Variants in CADM2 observed in about 807,000 individuals in gnomAD.
CADM2 encodes the protein immunoglobulin superfamily member 4D.
Under a neutral mutation model 49.8 loss-of-function variants are expected in CADM2, and 12 were observed. The observed-to-expected ratio is 0.24, with a 90% CI of 0.15 to 0.39. The LOEUF (loss-of-function observed/expected upper bound fraction) is 0.39. CADM2 is among the 10% of genes least tolerant of loss of function. The pLI is 1.00. For missense variants in CADM2, 378 were observed against 492.3 expected, an observed-to-expected ratio of 0.77 and a Z score of 2.20; for synonymous variants, 214 against 175.4, an observed-to-expected ratio of 1.22 and a Z score of -1.74.
intron 1 of CADM2, among the ~76,000 whole-genome samples, chr3:85,272,444 A>T (rs2043263600): frequency 6.6e-6 from 1 of 151,322 alleles, no homozygotes; most frequent in South Asian, 2.1e-4. Context: ...AAATCAGGTT[A>T]TTGTTAAGAG....
intron 8 of CADM2, among the ~76,000 whole-genome samples, chr3:85,984,429 T>C (rs941375019): frequency 6.6e-6 from 1 of 151,642 alleles, no homozygotes; most frequent in African/African-American, 2.4e-5. Flanking sequence ...CCTCATTTTA[T>C]AGATGATGTT....
At chr3:85,959,157 TC>T (rs1273196861) in intron 7 of CADM2, among the ~76,000 whole-genome samples, 1 of 138,124 alleles carries the variant, frequency 7.2e-6, no homozygotes, top group African/African-American at 2.9e-5. Context: ...TCTATCTCTC[TC>T]TCTCTCTCTC....
At chr3:85,377,309 G>GT (rs1322052199) in intron 1 of CADM2, among the ~76,000 whole-genome samples, 11 of 152,032 alleles carry the variant, frequency 7.2e-5, no homozygotes, top group Non-Finnish European at 1.2e-4. Context: ...CGGAATTAGT[G>GT]TCTACAGAAG....
At chr3:85,108,677 T>C (rs1341831436) in intron 1 of CADM2, among the ~76,000 whole-genome samples, 1 of 152,076 alleles carries the variant, frequency 6.6e-6, no homozygotes, top group African/African-American at 2.4e-5. Flanking sequence ...TTATATTATG[T>C]ATATTTTACC....
chr3:85,717,668 A>G (rs2067344344), intron 1 of CADM2, among the ~76,000 whole-genome samples: 1 of 152,124 alleles, frequency 6.6e-6, no homozygotes, highest in African/African-American at 2.4e-5. Flanking sequence ...TTCCTTCAAT[A>G]CCTAGTTTAT....
chr3:85,741,749 C>A (rs2068401988), intron 2 of CADM2, among the ~76,000 whole-genome samples: 1 of 152,186 alleles, frequency 6.6e-6, no homozygotes, highest in Non-Finnish European at 1.5e-5. Flanking sequence ...ATTTAAAAAT[C>A]AAATATACTT....
At chr3:85,739,430 T>C (rs1577201095) in intron 2 of CADM2, among the ~76,000 whole-genome samples, 1 of 152,110 alleles carries the variant, frequency 6.6e-6, no homozygotes, top group African/African-American at 2.4e-5. Flanking sequence ...TCAGGATCTG[T>C]TTTCTTTTAA....
chr3:85,960,736 G>C (rs1577787661), intron 7 of CADM2, among the ~76,000 whole-genome samples: 1 of 151,756 alleles, frequency 6.6e-6, no homozygotes, highest in Middle Eastern at 3.4e-3. Flanking sequence ...AGCATATTTT[G>C]AGATAGGGCT....
intron 1 of CADM2, among the ~76,000 whole-genome samples, chr3:85,503,008 G>A (rs995213607): frequency 6.6e-6 from 1 of 151,968 alleles, no homozygotes; most frequent in Admixed American, 6.6e-5. Context: ...GTTCTATAAG[G>A]TATCCAGCTT....
chr3:85,616,141 A>C (rs1334378684), intron 1 of CADM2, among the ~76,000 whole-genome samples: 3 of 151,924 alleles, frequency 2.0e-5, no homozygotes, highest in Non-Finnish European at 4.4e-5. Context: ...ATTTTAAAAA[A>C]ATGAAAAAAT....
chr3:85,275,893 C>T (rs971178134), intron 1 of CADM2, among the ~76,000 whole-genome samples: 5 of 150,708 alleles, frequency 3.3e-5, no homozygotes, highest in African/African-American at 1.2e-4. Context: ...TATAAAGAAC[C>T]TCAGGGTCAT....
intron 7 of CADM2, among the ~76,000 whole-genome samples, chr3:85,936,490 T>C (rs946409271): frequency 2.0e-5 from 3 of 151,862 alleles, no homozygotes; most frequent in South Asian, 2.1e-4. Flanking sequence ...GGATATTTAA[T>C]TATGGATTAT....
intron 3 of CADM2, among the ~76,000 whole-genome samples, chr3:85,831,152 G>T (rs2074169141): frequency 6.6e-6 from 1 of 151,906 alleles, no homozygotes; most frequent in South Asian, 2.1e-4. Context: ...CATCCATGCT[G>T]CTGCAAAGGA....
Position 85,912,396 on chromosome 3 carries a change from G to C in CADM2, c.553G>C (p.Asp185His). 3.1e-6 allele frequency: 5 copies of C among 1,609,400 alleles called. No homozygotes were observed. The highest frequency in any genetic ancestry group is 4.2e-6 in the Non-Finnish European group (5 of 1,177,958). ...IKDVKYLKEE[D>H]ANRKTFTVSS... ...AGATGTAAAATATTTAAAAGAAGAG[G>C]ATGCAAATCGCAAGACATTCACTGT... is the stretch of plus-strand genomic sequence containing the variant. Residue 185 changes from aspartate (D) to histidine (H), a missense_variant, in exon 6 of 10, where the codon GAT becomes CAT. Coordinates refer to ENST00000383699, the MANE Select transcript of CADM2 (RefSeq NM_001167675.2).
chr3:86,022,166 A>G (rs2107054477), intron 8 of CADM2, among the ~76,000 whole-genome samples: 1 of 152,306 alleles, frequency 6.6e-6, no homozygotes, highest in African/African-American at 2.4e-5. Context: ...ATCTTTACAA[A>G]TACACATAAT....
At position 85,358,167 on chromosome 3, in the gene CADM2, C is replaced by T. The variant is rs1293453115; in HGVS notation, c.62-368355C>T. The stretch of plus-strand genomic sequence containing the variant: ...TGTATAATGAATGCTGCATCCCTGG[C>T]TTCTACCACCTAGATGCCAGTAGCA... On this transcript the variant is annotated intron_variant, in intron 1 of 9. Transcript: ENST00000383699. Among the ~76,000 whole-genome samples the T allele has an allele frequency of 2.0e-5, 3 of 152,168 alleles. No homozygotes were observed. The East Asian group carries it at 5.8e-4, about 29-fold the overall frequency.
chr3:85,515,434 T>TTTTTA (rs1038780962), intron 1 of CADM2, among the ~76,000 whole-genome samples: 3 of 148,502 alleles, frequency 2.0e-5, no homozygotes, highest in African/African-American at 4.9e-5. Context: ...TCTTTTTTTT[T>TTTTTA]TTATTATTAT....
intron 1 of CADM2, among the ~76,000 whole-genome samples, chr3:85,566,257 A>G (rs1480726361): frequency 6.6e-6 from 1 of 152,146 alleles, no homozygotes; most frequent in Non-Finnish European, 1.5e-5. Flanking sequence ...CCTAAAGAAT[A>G]CATTCCTTTC....
At chr3:85,543,287 C>T (rs2061586987) in intron 1 of CADM2, among the ~76,000 whole-genome samples, 1 of 150,290 alleles carries the variant, frequency 6.7e-6, no homozygotes, top group Non-Finnish European at 1.5e-5. Context: ...CAGAGTCTTG[C>T]CCCGTCGCCC....
Sources: gnomAD v4.1 joint callset for allele counts (sites outside exome capture counted in the v4.1 genomes callset) on GRCh38, gnomAD v4.1.1 for gene constraint, MANE v1.5 for transcripts, NCBI Gene and HGNC (gene_info 2026-07-23, HGNC 2026-07-21) for gene names.